DNAH2: variants seen among roughly 807,000 people sequenced by gnomAD.
The protein encoded by DNAH2 is dynein axonemal heavy chain 2.
Under a neutral mutation model 523.5 loss-of-function variants are expected in DNAH2, and 323 were observed. The observed-to-expected ratio is 0.62, with a 90% confidence interval of 0.56 to 0.68. The LOEUF (loss-of-function observed/expected upper bound fraction) is 0.68, where lower values mean the gene tolerates loss of function less well. DNAH2 is among the 30% of genes least tolerant of loss of function. The pLI, the probability that DNAH2 is intolerant of heterozygous loss-of-function variation, is 0.00. For synonymous variants in DNAH2, 2,093 were observed against 2,177.4 expected (o/e 0.96, Z 1.08); for missense variants, 4,907 against 5,701.5 (o/e 0.86, Z 4.49).
Position 7,768,273 on chromosome 17 carries a change from G to A in DNAH2, c.3941+6G>A. 6.2e-7 allele frequency: 1 copy of A among 1,614,128 alleles called. No individual in the cohort carries two copies. Among genetic ancestry groups the A allele is most frequent in the Non-Finnish European group, 8.5e-7 (1 of 1,180,010 alleles). ...AACCCTGCCCTTAGAGAGAGGTGAG[G>A]CTTCTCCTCTGCTCCGGGGTGTCCA... On this transcript the variant is annotated splice_donor_region_variant and intron_variant, in intron 24 of 85. Transcript: ENST00000572933.
Position 7,734,274 on chromosome 17 carries a change from G to T in DNAH2, c.720G>T (p.Glu240Asp), listed in dbSNP as rs1235723726. 1 of 1,607,420 alleles carries T rather than the reference G, an allele frequency of 6.2e-7. No homozygotes were observed. Among genetic ancestry groups the T allele is most frequent in the African/African-American group, 1.3e-5 (1 of 74,992 alleles). The change falls in exon 6 of 86, where the codon GAG becomes GAT. Residue 240 changes from glutamate (E) to aspartate (D), a missense_variant. Around this residue, in one of 3 missense-constraint regions of DNAH2, gnomAD observed 2,806 missense variants for 3,190.8 expected, o/e 0.88. Transcript: ENST00000572933. ...MKPEMVIKDKELVQRLETSMI... is the reference protein window; with the variant it reads ...MKPEMVIKDKDLVQRLETSMI... ...CTGAGATGGTGATAAAGGACAAAGA[G>T]CTGGTGCAACGGCTAGAGAGTGAGT...
chr17:7,765,922 GCA>G (rs2076154763), intron 21 of DNAH2, among the ~76,000 whole-genome samples: 1 of 151,974 alleles, frequency 6.6e-6, no homozygotes, highest in Non-Finnish European at 1.5e-5. Flanking sequence ...GGGACTACAG[GCA>G]CATGCCACCA....
Position 7,805,086 on chromosome 17 carries a change from G to A in DNAH2, c.9300+12G>A, listed in dbSNP as rs184137067. 1.0e-4 allele frequency: 163 copies of A among 1,611,784 alleles called. No individual in the cohort carries two copies. In the African/African-American group the frequency reaches 1.7e-3, roughly 17 times the overall value. On this transcript the variant is annotated intron_variant, in intron 60 of 85. Coordinates refer to ENST00000572933, the MANE Select transcript of DNAH2 (RefSeq NM_020877.5). ...AAGAGGCCATGCGGGTACCAGGGGC[G>A]GGTGCAAGGATGGGAGCCAGGAACG...
At chr17:7,765,716 A>G (rs2076147895) in intron 21 of DNAH2, 151 bp downstream of exon 21, 2 of 811,780 alleles carry the variant, frequency 2.5e-6, no homozygotes, top group Non-Finnish European at 3.9e-6. Context: ...GCAAAGGAGG[A>G]GGACACTCAG....
chr17:7,779,342 G>T lies in DNAH2; in HGVS notation c.5641G>T (p.Ala1881Ser). Residue 1881 changes from alanine to serine, a missense_variant, in exon 36 of 86, where the codon GCC becomes TCC. By Grantham distance (99) the Ala-to-Ser change is moderately conservative. Transcript: ENST00000572933. ...QILCILSALA[A>S]GLTHFHFDGF... ...CCTGTGCATCCTGTCTGCCCTGGCT[G>T]CCGGCCTCACCCATTTCCATTTTGA... is the stretch of plus-strand genomic sequence containing the variant. 1 of 1,614,142 alleles carries T rather than the reference G, an allele frequency of 6.2e-7. No individual in the cohort carries two copies. The highest frequency in any genetic ancestry group is 8.5e-7 in the Non-Finnish European group (1 of 1,180,018).
chr17:7,795,393 C>T (rs2077033441), intron 49 of DNAH2, among the ~76,000 whole-genome samples: 1 of 151,854 alleles, frequency 6.6e-6, no homozygotes, highest in Non-Finnish European at 1.5e-5. Context: ...ACTGTGTTGG[C>T]CAGGCACGGT....
chr17:7,806,454 G>A (rs957283527), intron 61 of DNAH2, among the ~76,000 whole-genome samples: 13 of 151,952 alleles, frequency 8.6e-5, no homozygotes, highest in Admixed American at 4.6e-4. Context: ...TCAGGAGATC[G>A]AGACCATCCT....
At chr17:7,743,282 T>A (rs2075410056) in intron 12 of DNAH2, 140 bp downstream of exon 12, 1 of 987,850 alleles carries the variant, frequency 1.0e-6, no homozygotes. Flanking sequence ...ATTTTACTTT[T>A]TTTTTTCTTC....
At chr17:7,748,073 A>G (rs1457692093) in intron 12 of DNAH2, among the ~76,000 whole-genome samples, 1 of 152,222 alleles carries the variant, frequency 6.6e-6, no homozygotes, top group African/African-American at 2.4e-5. Flanking sequence ...CCAGTCCCTA[A>G]TAGCACTGAT....
rs1376516459 is a variant in DNAH2 at position 7,759,082 on chromosome 17, C to G, written c.2406C>G (p.Ile802Met). Residue 802 changes from isoleucine (I) to methionine (M), a missense_variant, in exon 15 of 86, where the codon ATC becomes ATG. Physicochemically the swap from Ile to Met is conservative, Grantham distance 10. Around this residue, in one of 3 missense-constraint regions of DNAH2, gnomAD observed 2,806 missense variants for 3,190.8 expected, o/e 0.88. Transcript: ENST00000572933. The stretch of plus-strand genomic sequence containing the variant: ...ACCTGCACCAGGATGTGGTGACCAT[C>G]ATGACCAACTCCTATGAGGTCTTCA... The part of the protein sequence containing the change: ...LMNLHQDVVT[I>M]MTNSYEVFKN... 7.4e-6 allele frequency: 12 copies of G among 1,614,190 alleles called. No individual in the cohort carries two copies. Among genetic ancestry groups the G allele is most frequent in the Non-Finnish European group, 8.5e-6 (10 of 1,180,020 alleles).
chr17:7,787,121 A>G lies in DNAH2; in HGVS notation c.6603+88A>G, dbSNP rs1256485995. ...GCTGGGGAGGAGAGCCAGAAATCTC[A>G]GAGCAGGGCAGGTTCTGTGGGAGAG... On this transcript the variant is annotated intron_variant, in intron 42 of 85. Transcript: ENST00000572933. 2.0e-6 allele frequency: 3 copies of G among 1,498,456 alleles called. No homozygotes were observed. The East Asian group carries it at 7.1e-5, about 36-fold the overall frequency. The allele number at this position is 1,498,456 out of a possible 1,614,324, so 92.8% of individuals were successfully genotyped here.
At position 7,821,254 on chromosome 17, in the gene DNAH2, G is replaced by T. The variant is rs142766785; in HGVS notation, c.11027G>T (p.Arg3676Leu). The change falls in exon 73 of 86, where the codon CGT becomes CTT. Residue 3676 changes from arginine to leucine, a missense_variant. Arg to Leu is a moderately radical substitution (Grantham distance 102). Around this residue, in one of 3 missense-constraint regions of DNAH2, gnomAD observed 1,851 missense variants for 2,139.4 expected, o/e 0.87. Transcript: ENST00000572933. This position sits in a 1 kb window ranked among gnomAD's most constrained non-coding sequence, Gnocchi z 5.0. ...HTYAVYRYTC[R>L]TLFERHKLLF... ...TCCCTTTCTCCCAGGTACACCTGCC[G>T]TACCCTTTTCGAACGCCACAAACTA... is the stretch of plus-strand genomic sequence containing the variant. 23 of 1,613,046 alleles carry T rather than the reference G, an allele frequency of 1.4e-5. No homozygotes were observed. The highest frequency in any genetic ancestry group is 1.8e-5 in the Non-Finnish European group (21 of 1,179,456).
Position 7,766,495 on chromosome 17 carries a change from C to G in DNAH2, c.3675+14C>G, listed in dbSNP as rs759884474. On this transcript the variant is annotated intron_variant, in intron 22 of 85. Transcript: ENST00000572933. ...AACCTGGAGAAGGTGGTGTGCTGAG[C>G]AAGGACCCTGTGGTCACTGTCGATA... is the stretch of plus-strand genomic sequence containing the variant. The G allele has an allele frequency of 8.1e-6, 13 of 1,612,876 alleles. No individual in the cohort carries two copies. Among genetic ancestry groups the G allele is most frequent in the Non-Finnish European group, 1.1e-5 (13 of 1,179,384 alleles).
chr17:7,788,077 C>G lies in DNAH2; in HGVS notation c.6742-9C>G, dbSNP rs2076792175. ...GGTGAATGAAGAGCCCCTTCTTATT[C>G]AACTCCAGGCTGAGGTGGAGCCCCT... On this transcript the variant is annotated splice_polypyrimidine_tract_variant and intron_variant, in intron 43 of 85. Transcript: ENST00000572933. The G allele has an allele frequency of 1.9e-6, 3 of 1,613,818 alleles. No homozygotes were observed. In the African/African-American group the frequency reaches 4.0e-5, roughly 22 times the overall value.
chr17:7,818,461 G>A lies in DNAH2; in HGVS notation c.10536+1G>A, dbSNP rs1161123451. 1.9e-6 allele frequency: 3 copies of A among 1,614,176 alleles called. No individual in the cohort carries two copies. Among genetic ancestry groups the A allele is most frequent in the African/African-American group, 2.7e-5 (2 of 75,054 alleles). On this transcript the variant is annotated splice_donor_variant, in intron 69 of 85. Transcript: ENST00000572933. LOFTEE classifies it high-confidence loss of function. ...CGTCAACTTTGCTGTTAAAGAACAGGTGGGTACAGGCTGAGGTCCAGACTG... is the reference window on the plus strand; with the variant it reads ...CGTCAACTTTGCTGTTAAAGAACAGATGGGTACAGGCTGAGGTCCAGACTG...
chr17:7,731,095 G>T (rs1395881942), intron 4 of DNAH2, among the ~76,000 whole-genome samples: 1 of 151,846 alleles, frequency 6.6e-6, no homozygotes, highest in African/African-American at 2.4e-5. Context: ...TCAAGCCTGG[G>T]CAACAGAGTG....
intron 58 of DNAH2, among the ~76,000 whole-genome samples, chr17:7,803,704 G>A (rs1000596355): frequency 6.6e-6 from 1 of 152,068 alleles, no homozygotes; most frequent in Non-Finnish European, 1.5e-5. Flanking sequence ...GGCAGGTGCA[G>A]TGGCTCATGC....
intron 11 of DNAH2, among the ~76,000 whole-genome samples, chr17:7,742,184 C>T (rs973974849): frequency 1.3e-5 from 2 of 151,890 alleles, no homozygotes; most frequent in Admixed American, 1.3e-4. Flanking sequence ...AATCCCAGCA[C>T]TTTGGGAGGC....
chr17:7,798,997 T>A lies in DNAH2; in HGVS notation c.8560-106T>A. 6.8e-7 allele frequency: 1 copy of A among 1,470,470 alleles called. No individual in the cohort carries two copies. Among genetic ancestry groups the A allele is most frequent in the Non-Finnish European group, 9.1e-7 (1 of 1,092,920 alleles). The allele number at this position is 1,470,470 out of a possible 1,614,324, so 91.1% of individuals were successfully genotyped here. On this transcript the variant is annotated intron_variant, in intron 55 of 85. Coordinates refer to ENST00000572933, the MANE Select transcript of DNAH2 (RefSeq NM_020877.5). This position sits in a 1 kb window ranked among gnomAD's most constrained non-coding sequence, Gnocchi z 5.5. ...GGGAGGATGGTTTGAGGCCAGGAGT[T>A]CAAGTCCAGCCTGGGAAACACTTCG...
Sources: gnomAD v4.1 joint callset for allele counts (sites outside exome capture counted in the v4.1 genomes callset) on GRCh38, gnomAD v4.1.1 for gene constraint, gnomAD v4.1.1 regional missense constraint, Gnocchi (gnomAD v3.1) non-coding constraint, MANE v1.5 for transcripts, NCBI Gene and HGNC (gene_info 2026-07-23, HGNC 2026-07-21) for gene names.